The following SUGCT variants were observed in gnomAD, a reference collection of about 807,000 sequenced individuals.
SUGCT encodes succinyl-CoA:glutarate CoA-transferase.
SUGCT carries 41 observed loss-of-function variants against 55.0 expected under a neutral mutation model. The ratio of observed to expected loss-of-function variants is 0.74; its 90% confidence interval spans 0.58 to 0.97. The LOEUF is 0.97. Ranked by LOEUF, SUGCT falls within the 50% of genes least tolerant of loss-of-function variation. SUGCT has a pLI of 0.00. For synonymous variants in SUGCT, 187 were observed against 200.4 expected, an observed-to-expected ratio of 0.93 and a Z score of 0.56; for missense variants, 568 against 547.8, an observed-to-expected ratio of 1.04 and a Z score of -0.37.
intron 13 of SUGCT, among the ~76,000 whole-genome samples, chr7:40,832,943 G>A (rs1792773474): frequency 6.6e-6 from 1 of 151,908 alleles, no homozygotes; most frequent in South Asian, 2.1e-4. Flanking sequence ...CAAAGTGCTG[G>A]GATTACAGGC....
chr7:40,366,668 T>G (rs1040380052), intron 9 of SUGCT, among the ~76,000 whole-genome samples: 14 of 152,114 alleles, frequency 9.2e-5, no homozygotes, highest in Non-Finnish European at 1.6e-4. Flanking sequence ...GAAAAAATGC[T>G]CATCATCACT....
At chr7:40,818,715 G>C (rs1791810357) in intron 13 of SUGCT, among the ~76,000 whole-genome samples, 1 of 152,090 alleles carries the variant, frequency 6.6e-6, no homozygotes, top group Non-Finnish European at 1.5e-5. Flanking sequence ...GAGGGTAAGA[G>C]ATACAGTACC....
rs550690992 is a variant in SUGCT at position 40,225,636 on chromosome 7, A to G, written c.485-11999A>G. On this transcript the variant is annotated intron_variant, in intron 6 of 13. Coordinates refer to ENST00000335693, the MANE Select transcript of SUGCT (RefSeq NM_001193313.2). ...TTTTTAGTAGACACGGGGTTTCACC[A>G]TGTTGGCCAGGCTGGTCTTGAACTC... Among the ~76,000 whole-genome samples, 183 of 152,046 alleles carry G rather than the reference A, an allele frequency of 1.2e-3. 2 individuals carry two copies. The highest frequency in any genetic ancestry group is 4.3e-3 in the African/African-American group (177 of 41,482).
intron 11 of SUGCT, among the ~76,000 whole-genome samples, chr7:40,495,932 A>G (rs1418690028): frequency 2.0e-5 from 3 of 152,172 alleles, no homozygotes; most frequent in African/African-American, 7.2e-5. Flanking sequence ...CCCGATTTCC[A>G]CTACCTGAGA....
chr7:40,994,780 T>A, the SUGCT span, among the ~76,000 whole-genome samples: 1 of 152,268 alleles, frequency 6.6e-6, no homozygotes, highest in Middle Eastern at 3.4e-3. Flanking sequence ...CTTACCACCA[T>A]CCCTTTGGTG....
chr7:40,553,608 C>T (rs950670026), intron 12 of SUGCT, among the ~76,000 whole-genome samples: 3 of 152,122 alleles, frequency 2.0e-5, no homozygotes, highest in East Asian at 1.9e-4. Flanking sequence ...ACCCTCTACA[C>T]GTAGACTGAT....
intron 1 of SUGCT, among the ~76,000 whole-genome samples, chr7:40,142,816 C>T (rs758838704): frequency 1.3e-5 from 2 of 152,202 alleles, no homozygotes; most frequent in Non-Finnish European, 2.9e-5. Flanking sequence ...TAAGGCTATC[C>T]TATTTTCCCA....
At chr7:40,341,766 G>A (rs2151178354) in intron 9 of SUGCT, among the ~76,000 whole-genome samples, 1 of 152,344 alleles carries the variant, frequency 6.6e-6, no homozygotes. Context: ...TAGGAACCAG[G>A]AAAGGAGTTC....
chr7:40,714,337 CAAAAA>C (rs1562960217), intron 12 of SUGCT, among the ~76,000 whole-genome samples: 1 of 151,796 alleles, frequency 6.6e-6, no homozygotes, highest in Non-Finnish European at 1.5e-5. Context: ...AAAAAACAAA[CAAAAA>C]AAGAAAACAA....
intron 9 of SUGCT, among the ~76,000 whole-genome samples, chr7:40,389,469 A>ACAAACAAAG (rs10660450): frequency 1.1e-4 from 17 of 148,514 alleles, no homozygotes; most frequent in East Asian, 3.9e-4. Flanking sequence ...AAACAAACAA[A>ACAAACAAAG]CAAGCAAAAA....
chr7:40,249,334 T>TAG, intron 7 of SUGCT, among the ~76,000 whole-genome samples: 1 of 121,510 alleles, frequency 8.2e-6, no homozygotes, highest in Non-Finnish European at 1.7e-5. Context: ...TATATATATA[T>TAG]ATATATATAT....
chr7:40,634,475 A>G (rs1799934889), intron 12 of SUGCT, among the ~76,000 whole-genome samples: 1 of 152,076 alleles, frequency 6.6e-6, no homozygotes, highest in Non-Finnish European at 1.5e-5. Context: ...TGGAACTATG[A>G]TTTCCTCCTG....
rs537766941 is a variant in SUGCT, at chr7:40,260,456, G to A, written c.577-14057G>A. Among the ~76,000 whole-genome samples, 5 of 152,282 alleles carry A rather than the reference G, an allele frequency of 3.3e-5. No homozygotes were observed. In the South Asian group the frequency reaches 6.2e-4, roughly 19 times the overall value. ...CAGAAGCTGCTACATGGTTGCCATAGCTATGGCACTTGATTCCTTCTAGAG... is the reference window on the plus strand; with the variant it reads ...CAGAAGCTGCTACATGGTTGCCATAACTATGGCACTTGATTCCTTCTAGAG... On this transcript the variant is annotated intron_variant, in intron 7 of 13. Transcript: ENST00000335693.
At chr7:40,362,398 G>C (rs1309275212) in intron 9 of SUGCT, among the ~76,000 whole-genome samples, 3 of 151,922 alleles carry the variant, frequency 2.0e-5, no homozygotes, top group Admixed American at 2.0e-4. Flanking sequence ...CAGCCTGGGT[G>C]ACAGAGCGAG....
chr7:40,349,774 G>T (rs945225109), intron 9 of SUGCT, among the ~76,000 whole-genome samples: 10 of 152,290 alleles, frequency 6.6e-5, no homozygotes, highest in African/African-American at 2.4e-4. Flanking sequence ...TCGGGCTTAA[G>T]TGACCCTTTT....
chr7:40,716,182 T>C (rs1786010558), intron 12 of SUGCT, among the ~76,000 whole-genome samples: 1 of 152,204 alleles, frequency 6.6e-6, no homozygotes, highest in Non-Finnish European at 1.5e-5. Context: ...AGTAAATTCC[T>C]GTGGAATTCT....
At chr7:40,189,345 A>G (rs1372621559) in intron 4 of SUGCT, among the ~76,000 whole-genome samples, 199 bp from the exon 5 acceptor site, 3 of 151,942 alleles carry the variant, frequency 2.0e-5, no homozygotes, top group Admixed American at 1.3e-4. Flanking sequence ...CCATCTCAAA[A>G]AGTAAAAAAA....
At chr7:40,495,680 T>A (rs1299871725) in intron 11 of SUGCT, among the ~76,000 whole-genome samples, 1 of 152,172 alleles carries the variant, frequency 6.6e-6, no homozygotes, top group African/African-American at 2.4e-5. Context: ...AGTCCAATTT[T>A]AAATTATAGT....
intron 12 of SUGCT, among the ~76,000 whole-genome samples, chr7:40,578,308 C>A (rs1420261253): frequency 6.6e-6 from 1 of 152,190 alleles, no homozygotes; most frequent in African/African-American, 2.4e-5. Flanking sequence ...GTCTAACACA[C>A]TTGGCAGTAC....
Sources: allele counts gnomAD v4.1 joint callset (sites outside exome capture counted in the v4.1 genomes callset), GRCh38; gene constraint gnomAD v4.1.1; transcripts MANE v1.5; gene names NCBI Gene and HGNC (gene_info 2026-07-23, HGNC 2026-07-21).